ATRNL1: variants seen among roughly 807,000 people sequenced by gnomAD.
The protein encoded by ATRNL1 is attractin like 1.
A neutral mutation model predicts 182.7 loss-of-function variants in ATRNL1; 95 were observed. That is an observed-to-expected ratio of 0.52 (90% CI 0.44 to 0.62). ATRNL1 has a LOEUF of 0.62. Among genes scored for constraint, ATRNL1 ranks in the 20% least tolerant of loss-of-function variants. The probability of loss-of-function intolerance (pLI) is 0.00; values close to 1 mark genes in which losing one functional copy is unlikely to be tolerated. For missense variants in ATRNL1, 1,471 were observed against 1,679.5 expected (o/e 0.88, Z 2.17); for synonymous variants, 576 against 568.3 (o/e 1.01, Z -0.19).
chr10:115,267,742 C>T (rs1554911318), intron 12 of ATRNL1, among the ~76,000 whole-genome samples: 1 of 151,522 alleles, frequency 6.6e-6, no homozygotes, highest in African/African-American at 2.4e-5. Flanking sequence ...TATGTAAATC[C>T]TTTGACTTTC....
Position 115,129,444 on chromosome 10 carries a change from T to A in ATRNL1, c.738T>A (p.Ile246=), listed in dbSNP as rs1592139600. Residue 246 remains isoleucine, a synonymous_variant, in exon 5 of 29, where the codon ATT becomes ATA. Transcript: ENST00000355044. ...ACTGGAAGGGTGAAGCTTGTGATAT[T>A]CCTTACTGTAAAGCCAATTGCGGCA... ...DKYWKGEACD[I]PYCKANCGSP... The A allele has an allele frequency of 6.2e-7, 1 of 1,614,152 alleles. No homozygotes were observed. The highest frequency in any genetic ancestry group is 8.5e-7 in the Non-Finnish European group (1 of 1,180,012).
intron 26 of ATRNL1, among the ~76,000 whole-genome samples, chr10:115,605,805 G>A (rs887736805): frequency 1.3e-5 from 2 of 151,738 alleles, no homozygotes; most frequent in Admixed American, 6.6e-5. Flanking sequence ...AACAGAGTGC[G>A]ATCAGTCTAC....
At chr10:115,326,757 C>G (rs1400218150) in intron 18 of ATRNL1, among the ~76,000 whole-genome samples, 1 of 152,066 alleles carries the variant, frequency 6.6e-6, no homozygotes, top group African/African-American at 2.4e-5. Context: ...TGGAACAGAA[C>G]AGAGCCCTCA....
intron 19 of ATRNL1, among the ~76,000 whole-genome samples, chr10:115,335,327 G>T (rs1260490336): frequency 1.3e-5 from 2 of 152,122 alleles, no homozygotes; most frequent in African/African-American, 4.8e-5. Context: ...AGGAATTTGA[G>T]GGAGTGGAGC....
intron 8 of ATRNL1, among the ~76,000 whole-genome samples, chr10:115,185,443 AT>A (rs1423410339): frequency 5.3e-5 from 8 of 152,094 alleles, no homozygotes; most frequent in Admixed American, 3.3e-4. Flanking sequence ...AGGGGATCCC[AT>A]TGGTAAAACA....
intron 8 of ATRNL1, among the ~76,000 whole-genome samples, chr10:115,171,668 G>A (rs544412331): frequency 5.7e-4 from 87 of 151,874 alleles, no homozygotes; most frequent in Non-Finnish European, 7.1e-4. Flanking sequence ...TTATTTTTTA[G>A]CATTCTATTT....
intron 9 of ATRNL1, among the ~76,000 whole-genome samples, chr10:115,234,458 T>C (rs568934785): frequency 5.9e-5 from 9 of 152,204 alleles, no homozygotes; most frequent in Admixed American, 4.6e-4. Context: ...AAAGATACTC[T>C]CTTACATAAG....
At chr10:115,111,746 C>G (rs1202966800) in intron 1 of ATRNL1, among the ~76,000 whole-genome samples, 1 of 152,142 alleles carries the variant, frequency 6.6e-6, no homozygotes, top group Non-Finnish European at 1.5e-5. Flanking sequence ...TATATTCAAA[C>G]CATAGCAGTT....
intron 21 of ATRNL1, among the ~76,000 whole-genome samples, chr10:115,454,311 T>C (rs1391002100): frequency 6.6e-6 from 1 of 152,134 alleles, no homozygotes; most frequent in Non-Finnish European, 1.5e-5. Flanking sequence ...AGCCTTGTAA[T>C]ATATTTTGAA....
intron 19 of ATRNL1, among the ~76,000 whole-genome samples, chr10:115,387,198 A>G (rs1481671846): frequency 6.6e-6 from 1 of 152,102 alleles, no homozygotes; most frequent in Non-Finnish European, 1.5e-5. Context: ...TAGTCTTAAG[A>G]TCAGATGAGT....
chr10:115,833,121 A>C (rs1555094284), intron 27 of ATRNL1, among the ~76,000 whole-genome samples: 1 of 152,214 alleles, frequency 6.6e-6, no homozygotes, highest in Admixed American at 6.5e-5. Flanking sequence ...ATTTTTAAGG[A>C]GATAAAGGAG....
intron 26 of ATRNL1, among the ~76,000 whole-genome samples, chr10:115,613,057 C>G (rs546847335): frequency 6.6e-6 from 1 of 152,316 alleles, no homozygotes; most frequent in South Asian, 2.1e-4. Flanking sequence ...TTTAAAAACA[C>G]TTTAGCAAAA....
chr10:115,203,698 G>GC (rs1848686644), intron 8 of ATRNL1, among the ~76,000 whole-genome samples: 1 of 148,088 alleles, frequency 6.8e-6, no homozygotes, highest in Non-Finnish European at 1.5e-5. Flanking sequence ...TTGTGCCTCA[G>GC]CCTCCTGAGT....
At chr10:115,811,175 A>G (rs573157365) in intron 27 of ATRNL1, among the ~76,000 whole-genome samples, 20 of 151,778 alleles carry the variant, frequency 1.3e-4, no homozygotes, top group Non-Finnish European at 2.1e-4. Flanking sequence ...GACTTGTTAT[A>G]TTTTCATTTT....
intron 24 of ATRNL1, among the ~76,000 whole-genome samples, chr10:115,512,613 T>C (rs1199613209): frequency 6.6e-6 from 1 of 151,930 alleles, no homozygotes; most frequent in Admixed American, 6.6e-5. Context: ...TACCAACTAC[T>C]GTTCTAGTCA....
At chr10:115,602,237 C>G (rs1234559944) in intron 26 of ATRNL1, among the ~76,000 whole-genome samples, 2 of 151,992 alleles carry the variant, frequency 1.3e-5, no homozygotes, top group East Asian at 3.9e-4. Flanking sequence ...ACCTATAATC[C>G]CACCTACTTG....
chr10:115,462,837 T>C (rs1451502057), intron 22 of ATRNL1, among the ~76,000 whole-genome samples: 3 of 152,042 alleles, frequency 2.0e-5, no homozygotes, highest in African/African-American at 7.2e-5. Context: ...TGAATTTTAA[T>C]TTCAATCCAT....
chr10:115,118,019 C>A (rs985816048), intron 1 of ATRNL1, among the ~76,000 whole-genome samples: 1 of 152,078 alleles, frequency 6.6e-6, no homozygotes, highest in Non-Finnish European at 1.5e-5. Flanking sequence ...AATGTCTGTT[C>A]AAACCTTTAG....
intron 8 of ATRNL1, among the ~76,000 whole-genome samples, chr10:115,195,735 A>G (rs1363443692): frequency 1.3e-5 from 2 of 152,080 alleles, no homozygotes; most frequent in Non-Finnish European, 2.9e-5. Flanking sequence ...ATTTCTACAT[A>G]CTAATTAAGG....
Sources: allele counts gnomAD v4.1 joint callset (sites outside exome capture counted in the v4.1 genomes callset), GRCh38; gene constraint gnomAD v4.1.1; transcripts MANE v1.5; gene names NCBI Gene and HGNC (gene_info 2026-07-23, HGNC 2026-07-21).